PCDH15: variants seen among roughly 807,000 people sequenced by gnomAD.
PCDH15 encodes the protein protocadherin related 15.
PCDH15 carries 129 observed loss-of-function variants against 178.5 expected under a neutral mutation model. The observed-to-expected ratio is 0.72, with a 90% CI of 0.63 to 0.84. The LOEUF (loss-of-function observed/expected upper bound fraction) is 0.84. Ranked by LOEUF, PCDH15 falls within the 40% of genes least tolerant of loss-of-function variation. The pLI, the probability that PCDH15 is intolerant of heterozygous loss-of-function variation, is 0.00. For synonymous variants in PCDH15, 800 were observed against 732.0 expected (o/e 1.09, Z -1.50); for missense variants, 2,230 against 2,099.9 (o/e 1.06, Z -1.21).
At chr10:55,116,809 G>T (rs1018584265) in intron 2 of PCDH15, among the ~76,000 whole-genome samples, 1 of 152,126 alleles carries the variant, frequency 6.6e-6, no homozygotes, top group African/African-American at 2.4e-5. Flanking sequence ...GACTATGAAA[G>T]AATTAACTGG....
chr10:53,885,768 T>C (rs554855126), intron 26 of PCDH15, among the ~76,000 whole-genome samples: 1 of 152,298 alleles, frequency 6.6e-6, no homozygotes, highest in Admixed American at 6.5e-5. Flanking sequence ...AAAAGTTATA[T>C]TGAGTATTCC....
At chr10:54,075,116 A>T (rs1329619059) in intron 17 of PCDH15, among the ~76,000 whole-genome samples, 1 of 152,022 alleles carries the variant, frequency 6.6e-6, no homozygotes, top group Non-Finnish European at 1.5e-5. Context: ...GGTGGCTCAC[A>T]CCTGTAATCC....
chr10:54,014,967 C>T (rs2092697069), intron 20 of PCDH15, among the ~76,000 whole-genome samples: 1 of 152,086 alleles, frequency 6.6e-6, no homozygotes, highest in African/African-American at 2.4e-5. Flanking sequence ...GGATGTCAAA[C>T]TACCCCTGTT....
intron 2 of PCDH15, among the ~76,000 whole-genome samples, chr10:55,501,177 A>C (rs1014186457): frequency 6.6e-6 from 1 of 151,710 alleles, no homozygotes; most frequent in African/African-American, 2.4e-5. Flanking sequence ...TTGCAATGAT[A>C]CATCTGCAAG....
chr10:54,484,362 A>G (rs1288396767), intron 3 of PCDH15, among the ~76,000 whole-genome samples: 1 of 151,874 alleles, frequency 6.6e-6, no homozygotes, highest in Non-Finnish European at 1.5e-5. Context: ...ACACCTAATA[A>G]TGCTGTTCAA....
At chr10:53,859,446 T>C (rs149495018) in intron 27 of PCDH15, among the ~76,000 whole-genome samples, 11 of 152,300 alleles carry the variant, frequency 7.2e-5, no homozygotes, top group Non-Finnish European at 1.5e-4. Flanking sequence ...CTGTCTGCCC[T>C]GTCAAACTGT....
At chr10:54,965,989 T>C (rs1342462756) in intron 2 of PCDH15, among the ~76,000 whole-genome samples, 1 of 151,078 alleles carries the variant, frequency 6.6e-6, no homozygotes, top group East Asian at 1.9e-4. Flanking sequence ...AAATGCATAT[T>C]AGATATTCAT....
chr10:55,604,638 A>G (rs1280366762), intron 2 of PCDH15, among the ~76,000 whole-genome samples: 1 of 149,418 alleles, frequency 6.7e-6, no homozygotes, highest in Admixed American at 6.7e-5. Context: ...ACTGCTCCTG[A>G]ATGACTACTG....
intron 2 of PCDH15, among the ~76,000 whole-genome samples, chr10:55,054,799 C>T (rs1841256290): frequency 6.6e-6 from 1 of 152,144 alleles, no homozygotes; most frequent in African/African-American, 2.4e-5. Flanking sequence ...TGCTTGTTGG[C>T]CACATATATG....
intron 20 of PCDH15, among the ~76,000 whole-genome samples, chr10:54,002,905 C>T (rs1421470269): frequency 3.3e-5 from 5 of 152,172 alleles, no homozygotes. Context: ...GGCAACCCTT[C>T]CAGGTCCCCT....
At chr10:54,465,356 T>A (rs1360438737) in intron 3 of PCDH15, among the ~76,000 whole-genome samples, 1 of 152,064 alleles carries the variant, frequency 6.6e-6, no homozygotes, top group Non-Finnish European at 1.5e-5. Context: ...TCTTTCTGTT[T>A]AAATGTATGT....
intron 18 of PCDH15, among the ~76,000 whole-genome samples, chr10:54,066,461 C>T (rs2094138798): frequency 6.6e-6 from 1 of 151,864 alleles, no homozygotes. Flanking sequence ...AGTAGTATAC[C>T]TAATTACATG....
chr10:54,145,497 A>G (rs948690114), intron 14 of PCDH15, among the ~76,000 whole-genome samples: 4 of 152,118 alleles, frequency 2.6e-5, no homozygotes, highest in African/African-American at 9.7e-5. Context: ...GTATTCTATT[A>G]TTTTTGAAAT....
At chr10:54,108,384 G>T (rs567882079) in intron 15 of PCDH15, among the ~76,000 whole-genome samples, 1 of 152,240 alleles carries the variant, frequency 6.6e-6, no homozygotes, top group Non-Finnish European at 1.5e-5. Context: ...TTCTGTCACA[G>T]CAGAAAGCAA....
At chr10:53,890,485 T>C (rs1015293952) in intron 26 of PCDH15, among the ~76,000 whole-genome samples, 5 of 152,196 alleles carry the variant, frequency 3.3e-5, no homozygotes, top group Non-Finnish European at 5.9e-5. Context: ...TGGGGTCTAT[T>C]GGCTTCAGGT....
intron 8 of PCDH15, among the ~76,000 whole-genome samples, chr10:54,238,677 T>TCTCTCTCACA (rs1186937599): frequency 6.9e-6 from 1 of 144,262 alleles, no homozygotes; most frequent in South Asian, 2.2e-4. Flanking sequence ...TCTCTCTCTC[T>TCTCTCTCACA]CACACACACA....
chr10:54,051,124 G>A (rs538224158), intron 18 of PCDH15, among the ~76,000 whole-genome samples: 45 of 152,016 alleles, frequency 3.0e-4, no homozygotes, highest in African/African-American at 5.3e-4. Flanking sequence ...AAGTATCCCC[G>A]TCTCGAGTAT....
chr10:54,518,490 A>AC (rs929831804), intron 3 of PCDH15, among the ~76,000 whole-genome samples: 10 of 151,760 alleles, frequency 6.6e-5, no homozygotes, highest in African/African-American at 9.7e-5. Flanking sequence ...CAACACATAC[A>AC]CCCCCCCAAG....
chr10:55,421,492 G>C (rs971534828), intron 2 of PCDH15, among the ~76,000 whole-genome samples: 1 of 147,964 alleles, frequency 6.8e-6, no homozygotes, highest in Admixed American at 6.8e-5. Context: ...AGCTAAAAGA[G>C]AAAATCATTT....
Sources: gnomAD v4.1 joint callset for allele counts (sites outside exome capture counted in the v4.1 genomes callset) on GRCh38, gnomAD v4.1.1 for gene constraint, MANE v1.5 for transcripts, NCBI Gene and HGNC (gene_info 2026-07-23, HGNC 2026-07-21) for gene names.